Variants in MAP4 observed in about 807,000 individuals in gnomAD.
The protein encoded by MAP4 is microtubule-associated protein 4.
MAP4 carries 76 observed loss-of-function variants against 170.2 expected under a neutral mutation model. The ratio of observed to expected loss-of-function variants is 0.45; its 90% CI spans 0.37 to 0.54. The LOEUF (loss-of-function observed/expected upper bound fraction) is 0.54. Ranked by LOEUF, MAP4 falls within the 20% of genes least tolerant of loss-of-function variation. The probability of loss-of-function intolerance (pLI) is 0.00; values close to 1 mark genes in which losing one functional copy is unlikely to be tolerated. For missense variants in MAP4, 2,506 were observed against 2,748.0 expected (o/e 0.91, Z 1.97); for synonymous variants, 909 against 994.5 (o/e 0.91, Z 1.62).
chr3:47,974,908 T>C, intron 3 of MAP4: 3 of 984,788 alleles, frequency 3.0e-6, no homozygotes, highest in Non-Finnish European at 3.6e-6. Flanking sequence ...GAGAGAAACA[T>C]AGGTAGCCTG....
Position 47,921,836 on chromosome 3 carries a change from A to G in MAP4, c.458T>C (p.Val153Ala). The G allele has an allele frequency of 6.2e-7, 1 of 1,609,118 alleles. No homozygotes were observed. The highest frequency in any genetic ancestry group is 8.5e-7 in the Non-Finnish European group (1 of 1,175,474). Residue 153 changes from valine (V) to alanine (A), a missense_variant, in exon 5 of 21, where the codon GTC becomes GCC. By Grantham distance (64) the Val-to-Ala change is moderately conservative. Around this residue, in one of 3 missense-constraint regions of MAP4, gnomAD observed 2,008 missense variants for 2,206.0 expected, o/e 0.91. Coordinates refer to ENST00000683076, the MANE Select transcript of MAP4 (RefSeq NM_001385682.1). ...ATCAGCTGTCGCACTGGAGGGAAAGACCAAATCTGCCAGGTCATCATCATG... is the reference window on the plus strand; with the variant it reads ...ATCAGCTGTCGCACTGGAGGGAAAGGCCAAATCTGCCAGGTCATCATCATG... ...MYHDDDLADL[V>A]FPSSATADTS...
chr3:48,033,865 A>G (rs2154522681), intron 1 of MAP4, among the ~76,000 whole-genome samples: 1 of 152,290 alleles, frequency 6.6e-6, no homozygotes, highest in Non-Finnish European at 1.5e-5. Flanking sequence ...AACCTCCCAA[A>G]GTGCTGGGAT....
At chr3:47,853,401 A>T in intron 19 of MAP4, 49 bp from the exon 20 acceptor site, 2 of 1,270,862 alleles carry the variant, frequency 1.6e-6, no homozygotes, top group Non-Finnish European at 2.2e-6. Flanking sequence ...CGAGGGGGGG[A>T]GTGGGATGGG....
At chr3:48,038,194 A>G (rs967390113) in intron 1 of MAP4, among the ~76,000 whole-genome samples, 2 of 142,986 alleles carry the variant, frequency 1.4e-5, no homozygotes, top group African/African-American at 2.5e-5. Context: ...AAAAAAAAAA[A>G]GAGTGAGGAT....
At position 47,852,796 on chromosome 3, in the gene MAP4, T is replaced by C. The variant is rs111679040; in HGVS notation, c.*138A>G. Reference sequence around the variant, plus strand: ...GGCGCCCAAGCGCTCACTGGTCTAGTGGACAGCCCGGGAAAGGGGGCCAAG... The same window carrying C: ...GGCGCCCAAGCGCTCACTGGTCTAGCGGACAGCCCGGGAAAGGGGGCCAAG... On this transcript the variant is annotated 3_prime_UTR_variant, in exon 21 of 21. Transcript: ENST00000683076. 9.3e-3 allele frequency: 14,429 copies of C among 1,548,714 alleles called. 101 individuals carry two copies. The highest frequency in any genetic ancestry group is 9.8e-3 in the Non-Finnish European group (11,223 of 1,146,842).
At chr3:48,069,687 A>T (rs2100140039) in intron 1 of MAP4, among the ~76,000 whole-genome samples, 1 of 152,150 alleles carries the variant, frequency 6.6e-6, no homozygotes, top group Admixed American at 6.6e-5. Flanking sequence ...TGTCCCTATT[A>T]TTGTTATCTT....
intron 1 of MAP4, among the ~76,000 whole-genome samples, chr3:48,046,786 T>C (rs1309778407): frequency 6.6e-6 from 1 of 152,186 alleles, no homozygotes; most frequent in Non-Finnish European, 1.5e-5. Flanking sequence ...TCCATGACTG[T>C]TTACTCATCT....
chr3:47,869,404 T>C (rs774514527), intron 15 of MAP4, 77 bp from the exon 16 acceptor site: 23 of 977,450 alleles, frequency 2.4e-5, no homozygotes, highest in Non-Finnish European at 3.6e-5. Context: ...AAGAAGGCTG[T>C]AGGGGACTCA....
chr3:47,971,199 G>C (rs79734880), intron 3 of MAP4, among the ~76,000 whole-genome samples: 1,592 of 152,276 alleles, frequency 0.01, 28 homozygotes, highest in African/African-American at 0.036. Flanking sequence ...TTTGTTCCAG[G>C]AATTTGGTGG....
At chr3:48,032,513 A>AC (rs1243550350) in intron 1 of MAP4, among the ~76,000 whole-genome samples, 2 of 151,838 alleles carry the variant, frequency 1.3e-5, no homozygotes, top group African/African-American at 4.8e-5. Flanking sequence ...AAAAAAAAAA[A>AC]AATTAGCCAG....
intron 1 of MAP4, among the ~76,000 whole-genome samples, chr3:48,062,867 G>T (rs1315884712): frequency 2.0e-5 from 3 of 151,158 alleles, no homozygotes; most frequent in Non-Finnish European, 4.4e-5. Flanking sequence ...GGAGGTTGTT[G>T]TGAGCCAAGA....
chr3:47,916,835 G>C lies in MAP4; in HGVS notation c.992C>G (p.Ala331Gly). The C allele has an allele frequency of 6.2e-7, 1 of 1,614,200 alleles. No homozygotes were observed. Among genetic ancestry groups the C allele is most frequent in the Non-Finnish European group, 8.5e-7 (1 of 1,180,044 alleles). The change falls in exon 7 of 21, where the codon GCC (alanine) becomes GGC (glycine). Residue 331 changes from alanine to glycine, a missense_variant. Ala to Gly is a moderately conservative substitution (Grantham distance 60). Coordinates refer to ENST00000683076, the MANE Select transcript of MAP4 (RefSeq NM_001385682.1). ...TTCTGTGGGCAGTACCACATTCTTG[G>C]CTGAAGATACATCTGTTTCTGTGGG... ...RWPTETDVSS[A>G]KNVVLPTETE...
At chr3:48,049,605 T>A (rs2154547624) in intron 1 of MAP4, among the ~76,000 whole-genome samples, 1 of 151,080 alleles carries the variant, frequency 6.6e-6, no homozygotes, top group Middle Eastern at 3.5e-3. Flanking sequence ...GGTAACAGAG[T>A]GAGACCAGGT....
intron 3 of MAP4, among the ~76,000 whole-genome samples, chr3:47,965,000 C>T (rs1449116941): frequency 1.3e-5 from 2 of 152,150 alleles, no homozygotes; most frequent in Admixed American, 1.3e-4. Flanking sequence ...TTAAGCAACA[C>T]CAAACACATC....
chr3:47,899,904 C>T (rs2100029116), intron 10 of MAP4, among the ~76,000 whole-genome samples: 1 of 152,206 alleles, frequency 6.6e-6, no homozygotes, highest in Admixed American at 6.5e-5. Context: ...GGACTCTTGG[C>T]AAAGCCTGCA....
In MAP4 at chr3:47,966,392, G is replaced by A. The variant is rs369231338; in HGVS notation, c.292+11473C>T. On this transcript the variant is annotated intron_variant, in intron 3 of 20. Transcript: ENST00000683076. ...CTCCTGAGTAGCTGGGACTACAGGC[G>A]CCTGCCACCATGCCCGGCTAATTTT... 3.3e-5 allele frequency among the ~76,000 whole-genome samples: 5 copies of A among 151,542 alleles called. No individual in the cohort carries two copies. In the South Asian group the frequency reaches 6.3e-4, roughly 19 times the overall value.
intron 4 of MAP4, among the ~76,000 whole-genome samples, chr3:47,922,082 G>C (rs952006696): frequency 6.6e-6 from 1 of 151,814 alleles, no homozygotes; most frequent in Non-Finnish European, 1.5e-5. Flanking sequence ...TAAGTAGCTG[G>C]GATTACAGAT....
At chr3:48,056,102 G>A (rs1486687389) in intron 1 of MAP4, among the ~76,000 whole-genome samples, 5 of 148,606 alleles carry the variant, frequency 3.4e-5, no homozygotes, top group South Asian at 4.3e-4. Flanking sequence ...CACCCCGTCC[G>A]GGAGGGAGGT....
intron 2 of MAP4, among the ~76,000 whole-genome samples, chr3:47,978,818 A>C (rs2100083719): frequency 7.1e-6 from 1 of 141,714 alleles, no homozygotes; most frequent in Admixed American, 7.4e-5. Flanking sequence ...GCATCTTTTC[A>C]TGTGTTTCTC....
Sources: allele counts gnomAD v4.1 joint callset (sites outside exome capture counted in the v4.1 genomes callset), GRCh38; gene constraint gnomAD v4.1.1; regional missense constraint gnomAD v4.1.1; transcripts MANE v1.5; gene names NCBI Gene and HGNC (gene_info 2026-07-23, HGNC 2026-07-21).